The following GLI3 variants were observed in gnomAD, a reference collection of about 807,000 sequenced individuals.
The protein encoded by GLI3 is GLI family zinc finger 3.
A neutral mutation model predicts 100.8 loss-of-function variants in GLI3; 20 were observed. That is an observed-to-expected ratio of 0.20 (90% CI 0.14 to 0.29). The LOEUF (loss-of-function observed/expected upper bound fraction) is 0.29, where lower values mean the gene tolerates loss of function less well. GLI3 is among the 10% of genes least tolerant of loss of function. GLI3 has a pLI of 1.00. For missense variants in GLI3, 2,040 were observed against 2,128.5 expected (o/e 0.96, Z 0.82); for synonymous variants, 938 against 860.5 (o/e 1.09, Z -1.58).
At chr7:42,227,093 C>T (rs1469321217) in intron 1 of GLI3, among the ~76,000 whole-genome samples, 2 of 152,184 alleles carry the variant, frequency 1.3e-5, no homozygotes, top group East Asian at 1.9e-4. Context: ...AGTTCTGCTT[C>T]ACTTCAAAGA....
At chr7:42,146,730 C>T (rs1250482722) in intron 3 of GLI3, among the ~76,000 whole-genome samples, 2 of 152,128 alleles carry the variant, frequency 1.3e-5, no homozygotes, top group Non-Finnish European at 2.9e-5. Context: ...ATGTAGGAGT[C>T]CCTCACATTT....
intron 12 of GLI3, among the ~76,000 whole-genome samples, chr7:41,974,371 C>A (rs1787447418): frequency 6.6e-6 from 1 of 152,256 alleles, no homozygotes; most frequent in African/African-American, 2.4e-5. Context: ...TACCTCACAA[C>A]AACATAACAT....
At chr7:42,088,344 G>A (rs1170530693) in intron 3 of GLI3, among the ~76,000 whole-genome samples, 1 of 152,216 alleles carries the variant, frequency 6.6e-6, no homozygotes, top group Non-Finnish European at 1.5e-5. Flanking sequence ...GGCTGGTTCA[G>A]AACTACTCCA....
At chr7:42,110,434 G>A (rs561307471) in intron 3 of GLI3, among the ~76,000 whole-genome samples, 1 of 152,260 alleles carries the variant, frequency 6.6e-6, no homozygotes, top group East Asian at 1.9e-4. Context: ...CATTCAAGAG[G>A]CCGTGTCAGC....
intron 3 of GLI3, among the ~76,000 whole-genome samples, chr7:42,082,748 G>A (rs1171928105): frequency 1.3e-5 from 2 of 152,160 alleles, no homozygotes; most frequent in African/African-American, 2.4e-5. Flanking sequence ...TAGAAATCCT[G>A]TAAAAATGCC....
intron 10 of GLI3, among the ~76,000 whole-genome samples, chr7:42,015,154 C>T (rs147556284): frequency 2.4e-3 from 366 of 152,256 alleles, no homozygotes; most frequent in African/African-American, 8.0e-3. Context: ...AGATGAGACA[C>T]GGAGGATTTA....
chr7:41,984,620 C>T (rs1787763241), intron 10 of GLI3, among the ~76,000 whole-genome samples: 1 of 152,202 alleles, frequency 6.6e-6, no homozygotes, highest in Non-Finnish European at 1.5e-5. Context: ...CAGCCAGTTT[C>T]TTAACATCAA....
intron 2 of GLI3, among the ~76,000 whole-genome samples, chr7:42,205,280 A>G (rs1788126679): frequency 6.6e-6 from 1 of 152,202 alleles, no homozygotes; most frequent in African/African-American, 2.4e-5. Context: ...GCATTATCTT[A>G]AGTCTGGCAC....
At chr7:42,003,836 C>T (rs959574042) in intron 10 of GLI3, among the ~76,000 whole-genome samples, 2 of 152,098 alleles carry the variant, frequency 1.3e-5, no homozygotes, top group African/African-American at 2.4e-5. Flanking sequence ...TATTTTTGTA[C>T]ATCTAGCCAT....
intron 2 of GLI3, among the ~76,000 whole-genome samples, chr7:42,162,453 T>C (rs1027463066): frequency 7.9e-5 from 12 of 152,224 alleles, no homozygotes; most frequent in Admixed American, 7.2e-4. Context: ...CAAATGGAAA[T>C]GTACTTTTTT....
rs559215689 is a variant in GLI3 at position 41,974,158 on chromosome 7, A to C, written c.1813-1531T>G. On this transcript the variant is annotated intron_variant, in intron 12 of 14. Coordinates refer to ENST00000395925, the MANE Select transcript of GLI3 (RefSeq NM_000168.6). ...GTTTGGAGAGCTACTCTTCCTGTAA[A>C]TATATGGATGTACATTATGGGTTAG... 5.9e-5 allele frequency among the ~76,000 whole-genome samples: 9 copies of C among 152,282 alleles called. No individual in the cohort carries two copies. The East Asian group carries it at 1.7e-3, about 29-fold the overall frequency.
At chr7:42,121,692 C>A (rs1383142522) in intron 3 of GLI3, among the ~76,000 whole-genome samples, 1 of 152,120 alleles carries the variant, frequency 6.6e-6, no homozygotes, top group African/African-American at 2.4e-5. Context: ...TATGTCTGCT[C>A]TTCTTAGAAA....
chr7:42,130,955 A>G (rs1786260841), intron 3 of GLI3, among the ~76,000 whole-genome samples: 1 of 152,176 alleles, frequency 6.6e-6, no homozygotes, highest in African/African-American at 2.4e-5. Context: ...TTTGGATGGT[A>G]ATAGAAAATG....
chr7:42,225,450 C>T (rs1191045267), intron 1 of GLI3, among the ~76,000 whole-genome samples: 1 of 152,158 alleles, frequency 6.6e-6, no homozygotes, highest in Non-Finnish European at 1.5e-5. Context: ...ACCTCTGCCT[C>T]CCAGCTTCAA....
intron 2 of GLI3, among the ~76,000 whole-genome samples, chr7:42,189,829 A>T (rs1169026322): frequency 6.6e-6 from 1 of 152,104 alleles, no homozygotes; most frequent in Non-Finnish European, 1.5e-5. Flanking sequence ...CCTTTCTTGG[A>T]TTATAAGAAG....
chr7:42,094,215 A>G (rs1785289315), intron 3 of GLI3, among the ~76,000 whole-genome samples: 2 of 152,212 alleles, frequency 1.3e-5, no homozygotes, highest in Admixed American at 1.3e-4. Context: ...AAGTTTAGAC[A>G]GGACAATTAG....
rs116751659 is a variant in GLI3 at position 42,115,788 on chromosome 7, G to A, written c.367+32438C>T. ...ATGCAGAGTCAGTTTTATGCTCTCCGTGATTTCTTATCCCCTCTGAGAGTG... is the reference window on the plus strand; with the variant it reads ...ATGCAGAGTCAGTTTTATGCTCTCCATGATTTCTTATCCCCTCTGAGAGTG... On this transcript the variant is annotated intron_variant, in intron 3 of 14. Transcript: ENST00000395925. 2.7e-3 allele frequency among the ~76,000 whole-genome samples: 413 copies of A among 152,252 alleles called. 4 individuals carry two copies. The highest frequency in any genetic ancestry group is 9.5e-3 in the African/African-American group (395 of 41,538).
intron 2 of GLI3, among the ~76,000 whole-genome samples, chr7:42,187,276 C>T (rs1409501467): frequency 6.6e-6 from 1 of 151,592 alleles, no homozygotes; most frequent in Non-Finnish European, 1.5e-5. Flanking sequence ...CTATTCACCC[C>T]ATATCTAAGT....
rs1403230253 is a variant in GLI3 at position 42,105,420 on chromosome 7, TTACTC to T, written c.368-28568_368-28564del. 2.0e-5 allele frequency among the ~76,000 whole-genome samples: 3 copies of T among 151,854 alleles called. No individual in the cohort carries two copies. In the East Asian group the frequency reaches 5.8e-4, roughly 29 times the overall value. ...ATTTAGTTTCAAATATTTATAAAAA[TTACTC>T]TAAATAAAAGCAAAACTCCATGAAA... is the stretch of plus-strand genomic sequence containing the variant. On this transcript the variant is annotated intron_variant, in intron 3 of 14. Transcript: ENST00000395925.
Sources: gnomAD v4.1 joint callset for allele counts (sites outside exome capture counted in the v4.1 genomes callset) on GRCh38, gnomAD v4.1.1 for gene constraint, MANE v1.5 for transcripts, NCBI Gene and HGNC (gene_info 2026-07-23, HGNC 2026-07-21) for gene names.